The following DPF2 variants were observed in gnomAD, a reference collection of about 807,000 sequenced individuals.
DPF2 encodes double PHD fingers 2, also known as zinc finger protein ubi-d4.
A neutral mutation model predicts 59.6 loss-of-function variants in DPF2; 10 were observed. That is an observed-to-expected ratio of 0.17 (90% CI 0.10 to 0.28). The LOEUF (loss-of-function observed/expected upper bound fraction) is 0.28, where lower values mean the gene tolerates loss of function less well. Among genes scored for constraint, DPF2 ranks in the 10% least tolerant of loss-of-function variants. The probability of loss-of-function intolerance (pLI) is 1.00; values close to 1 mark genes in which losing one functional copy is unlikely to be tolerated. For missense variants in DPF2, 315 were observed against 509.4 expected (o/e 0.62, Z 3.67); for synonymous variants, 189 against 190.6 (o/e 0.99, Z 0.07).
In DPF2 at chr11:65,341,804, A is replaced by C. The variant is rs1854382745; in HGVS notation, c.465+242A>C. The C allele has an allele frequency of 1.5e-5, 6 of 413,342 alleles. No individual in the cohort carries two copies. The South Asian group carries it at 3.2e-4, about 22-fold the overall frequency. The allele number at this position is 413,342 out of a possible 1,614,324, so 25.6% of individuals were successfully genotyped here. On this transcript the variant is annotated intron_variant, in intron 4 of 10. Coordinates refer to ENST00000528416, the MANE Select transcript of DPF2 (RefSeq NM_006268.5). ...AAGGTTATTATTATACACATATATA[A>C]TTTTCATTAAAAAAATTAAAATAGG...
At chr11:65,344,832 G>C in intron 6 of DPF2, 1 of 601,066 alleles carries the variant, frequency 1.7e-6, no homozygotes, top group Non-Finnish European at 2.9e-6. Flanking sequence ...CCTGCTCCTA[G>C]AGCTGCTCGG....
intron 4 of DPF2, among the ~76,000 whole-genome samples, chr11:65,342,165 C>G (rs1184505510): frequency 6.6e-6 from 1 of 151,910 alleles, no homozygotes; most frequent in Non-Finnish European, 1.5e-5. Flanking sequence ...TACTCTTTAC[C>G]TAGATTTATC....
rs370206123 is a variant in DPF2, at chr11:65,346,071, G to C, written c.904+13G>C. On this transcript the variant is annotated intron_variant, in intron 8 of 10. Transcript: ENST00000528416. ...TGTGGCCGCTCAGGTACTGCTTCCCGTGAAGGCTGCTGCTTTGCCCAGTCC... is the reference window on the plus strand; with the variant it reads ...TGTGGCCGCTCAGGTACTGCTTCCCCTGAAGGCTGCTGCTTTGCCCAGTCC... 8.7e-6 allele frequency: 14 copies of C among 1,613,900 alleles called. No individual in the cohort carries two copies. Among genetic ancestry groups the C allele is most frequent in the African/African-American group, 1.3e-5 (1 of 74,942 alleles).
Position 65,353,634 on chromosome 11 carries a change from G to A in DPF2, c.*1875G>A, listed in dbSNP as rs935172246. 6.6e-6 allele frequency among the ~76,000 whole-genome samples: 1 copy of A among 152,218 alleles called. No individual in the cohort carries two copies. The highest frequency in any genetic ancestry group is 1.5e-5 in the Non-Finnish European group (1 of 68,036). On this transcript the variant is annotated 3_prime_UTR_variant, in exon 11 of 11. Transcript: ENST00000528416. The stretch of plus-strand genomic sequence containing the variant: ...GGCAGCGCGTATGTCTTCAGTGTGT[G>A]TTTTAGAAGTCCAACTGTTGTTTTT...
Position 65,351,845 on chromosome 11 carries a change from CCT to C in DPF2, c.*90_*91del. 1 of 1,447,880 alleles carries C rather than the reference CCT, an allele frequency of 6.9e-7. No individual in the cohort carries two copies. Among genetic ancestry groups the C allele is most frequent in the East Asian group, 2.3e-5 (1 of 43,594 alleles). The allele number at this position is 1,447,880 out of a possible 1,614,324, so 89.7% of individuals were successfully genotyped here. A position where few individuals can be genotyped will look rare whatever the true frequency, so the allele number is the denominator to read the frequency against. On this transcript the variant is annotated 3_prime_UTR_variant, in exon 11 of 11. Coordinates refer to ENST00000528416, the MANE Select transcript of DPF2 (RefSeq NM_006268.5). ...TCATACCCATCTTTCCCTTCTTCCT[CCT>C]CTCCTTCACAAATCCAGAGAACCTT...
At chr11:65,337,504 T>TATATATAGAGAGAGAGAG (rs1282367012) in intron 1 of DPF2, among the ~76,000 whole-genome samples, 2 of 21,396 alleles carry the variant, frequency 9.3e-5, no homozygotes, top group Non-Finnish European at 1.6e-4. Flanking sequence ...TATATATATA[T>TATATATAGAGAGAGAGAG]AGAGAGAGAG....
In DPF2 at chr11:65,353,107, AT is replaced by A. The variant is rs576548955; in HGVS notation, c.*1355del. On this transcript the variant is annotated 3_prime_UTR_variant, in exon 11 of 11. Transcript: ENST00000528416. ...ACAGCTTTTTTCCCCCCAAATTAAAATTTTTTTGTGGAACCCCAATATGTAA... is the reference window on the plus strand; with the variant it reads ...ACAGCTTTTTTCCCCCCAAATTAAAATTTTTTGTGGAACCCCAATATGTAA... 85 of 151,252 alleles carry A rather than the reference AT, an allele frequency of 5.6e-4. No individual in the cohort carries two copies. The highest frequency in any genetic ancestry group is 3.4e-3 in the Middle Eastern group (1 of 294). 9.4% of individuals were successfully genotyped at this position (151,252 alleles called of 1,614,324 possible). A position where few individuals can be genotyped will look rare whatever the true frequency, so the allele number is the denominator to read the frequency against.
rs1854360008 is a variant in DPF2 at position 65,341,198 on chromosome 11, T to C, written c.301+125T>C. On this transcript the variant is annotated intron_variant, in intron 3 of 10. Transcript: ENST00000528416. ...CTCAAATGAATATGATGTGATTCTT[T>C]CCTTTAAGGACCTCAGTCTAGAAGG... The C allele has an allele frequency of 3.9e-6, 5 of 1,272,372 alleles. No individual in the cohort carries two copies. The Admixed American group carries it at 1.1e-4, about 28-fold the overall frequency. The allele number at this position is 1,272,372 out of a possible 1,614,324, so 78.8% of individuals were successfully genotyped here. A position where few individuals can be genotyped will look rare whatever the true frequency, so the allele number is the denominator to read the frequency against.
At chr11:65,351,529 A>G (rs760519867) in intron 10 of DPF2, among the ~76,000 whole-genome samples, 154 bp from the exon 11 acceptor site, 2 of 152,254 alleles carry the variant, frequency 1.3e-5, no homozygotes, top group Non-Finnish European at 2.9e-5. Flanking sequence ...GGTTTATCCC[A>G]GCTCAGGAAA....
In DPF2 at chr11:65,343,831, A is replaced by G. The variant is rs1381213342; in HGVS notation, c.552A>G (p.Lys184=). 1.3e-6 allele frequency: 2 copies of G among 1,584,482 alleles called. No homozygotes were observed. Among genetic ancestry groups the G allele is most frequent in the Non-Finnish European group, 8.6e-7 (1 of 1,164,498 alleles). Residue 184 remains lysine (K), a synonymous_variant, in exon 5 of 11, where the codon AAA becomes AAG. Transcript: ENST00000528416. ...CTCCCAAGCGTCGGGGAAAGGGGAAATCCAAGGTGAGGGGCCAGCGTGCTG... is the reference window on the plus strand; with the variant it reads ...CTCCCAAGCGTCGGGGAAAGGGGAAGTCCAAGGTGAGGGGCCAGCGTGCTG... ...EDTPKRRGKG[K]SKGKGVGSAR...
chr11:65,337,807 A>T lies in DPF2; in HGVS notation c.33-2578A>T, dbSNP rs535551709. The stretch of plus-strand genomic sequence containing the variant: ...TTTGTTTGTTTGTTTTGTTTTTTTT[A>T]ATTTTATTTTTTTTGAGACAGAGTT... On this transcript the variant is annotated intron_variant, in intron 1 of 10. Coordinates refer to ENST00000528416, the MANE Select transcript of DPF2 (RefSeq NM_006268.5). 2.1e-3 allele frequency among the ~76,000 whole-genome samples: 317 copies of T among 149,166 alleles called. 1 individual carries two copies. Among genetic ancestry groups the T allele is most frequent in the African/African-American group, 6.9e-3 (278 of 40,268 alleles).
At chr11:65,345,341 G>A in intron 6 of DPF2, 1 of 292,272 alleles carries the variant, frequency 3.4e-6, no homozygotes, top group East Asian at 6.5e-5. Context: ...CTGACCTGGA[G>A]CGTCCCAGAC....
chr11:65,339,836 C>G (rs1854310089), intron 1 of DPF2, among the ~76,000 whole-genome samples: 1 of 152,184 alleles, frequency 6.6e-6, no homozygotes, highest in Non-Finnish European at 1.5e-5. Flanking sequence ...GAGCTTCCTT[C>G]TTATGGCTAA....
intron 1 of DPF2, among the ~76,000 whole-genome samples, chr11:65,337,452 CA>C (rs750931920): frequency 7.8e-3 from 106 of 13,504 alleles, no homozygotes; most frequent in Middle Eastern, 0.083. Context: ...GACTCTATCT[CA>C]AAAAAAAAAA....
At chr11:65,341,712 G>A in intron 4 of DPF2, 150 bp downstream of exon 4, 5 of 1,039,244 alleles carry the variant, frequency 4.8e-6, no homozygotes, top group South Asian at 1.7e-5. Context: ...CCTGATTATT[G>A]TCAGGTACTG....
chr11:65,348,247 C>G (rs1376998688), intron 9 of DPF2: 1 of 150,802 alleles, frequency 6.6e-6, no homozygotes, highest in Admixed American at 6.6e-5. Flanking sequence ...ATCACACCAC[C>G]GCACTCTAGC....
intron 1 of DPF2, among the ~76,000 whole-genome samples, chr11:65,337,828 G>C (rs1276398151): frequency 6.6e-6 from 1 of 151,876 alleles, no homozygotes; most frequent in Non-Finnish European, 1.5e-5. Flanking sequence ...TTTTGAGACA[G>C]AGTTTCGCTC....
chr11:65,353,086 CT>C lies in DPF2; in HGVS notation c.*1333del, dbSNP rs1049197870. The C allele has an allele frequency of 6.6e-6, 1 of 151,390 alleles. No homozygotes were observed. Among genetic ancestry groups the C allele is most frequent in the Non-Finnish European group, 1.5e-5 (1 of 67,878 alleles). 9.4% of individuals were successfully genotyped at this position (151,390 alleles called of 1,614,324 possible). ...TTTTTTTTAATGTTTTGAAATACAG[CT>C]TTTTTCCCCCCAAATTAAAATTTTT... On this transcript the variant is annotated 3_prime_UTR_variant, in exon 11 of 11. Coordinates refer to ENST00000528416, the MANE Select transcript of DPF2 (RefSeq NM_006268.5).
At position 65,352,093 on chromosome 11, in the gene DPF2, G is replaced by A; in HGVS notation, c.*334G>A. The A allele has an allele frequency of 3.3e-6, 1 of 305,568 alleles. No individual in the cohort carries two copies. Among genetic ancestry groups the A allele is most frequent in the Non-Finnish European group, 6.2e-6 (1 of 160,432 alleles). The allele number at this position is 305,568 out of a possible 1,614,324, so 18.9% of individuals were successfully genotyped here. On this transcript the variant is annotated 3_prime_UTR_variant, in exon 11 of 11. Transcript: ENST00000528416. ...CAAACAGTGTCCTCCTAGAAAGAGT[G>A]GGAGAGCAGCTCACTTCTCTGTGTT... is the stretch of plus-strand genomic sequence containing the variant.
Sources: gnomAD v4.1 joint callset for allele counts (sites outside exome capture counted in the v4.1 genomes callset) on GRCh38, gnomAD v4.1.1 for gene constraint, MANE v1.5 for transcripts, NCBI Gene and HGNC (gene_info 2026-07-23, HGNC 2026-07-21) for gene names.